Variants in CREBBP observed in about 807,000 individuals in gnomAD.
The protein encoded by CREBBP is CREB binding lysine acetyltransferase.
In CREBBP, 19 loss-of-function variants were observed where a neutral mutation model predicts 265.0. The observed-to-expected ratio is 0.07, with a 90% CI of 0.05 to 0.11. The LOEUF (loss-of-function observed/expected upper bound fraction) is 0.11, where lower values mean the gene tolerates loss of function less well. Ranked by LOEUF, CREBBP falls within the 10% of genes least tolerant of loss-of-function variation. CREBBP has a pLI of 1.00. For synonymous variants in CREBBP, 1,457 were observed against 1,223.7 expected, an observed-to-expected ratio of 1.19 and a Z score of -3.98; for missense variants, 2,525 against 3,219.0, an observed-to-expected ratio of 0.78 and a Z score of 5.22.
intron 2 of CREBBP, among the ~76,000 whole-genome samples, chr16:3,837,725 T>C (rs1202006584): frequency 6.6e-6 from 1 of 151,878 alleles, no homozygotes; most frequent in African/African-American, 2.4e-5. Flanking sequence ...TGTTTAGTGT[T>C]TTAAGCTAAG....
intron 2 of CREBBP, among the ~76,000 whole-genome samples, chr16:3,842,202 T>G (rs949684192): frequency 6.6e-6 from 1 of 152,194 alleles, no homozygotes; most frequent in African/African-American, 2.4e-5. Flanking sequence ...AGAAAGTACT[T>G]AAAAGATTTC....
At chr16:3,853,554 G>A (rs1282645287) in intron 1 of CREBBP, among the ~76,000 whole-genome samples, 3 of 152,044 alleles carry the variant, frequency 2.0e-5, no homozygotes, top group Non-Finnish European at 2.9e-5. Context: ...AGCTTGCAGT[G>A]AGCCAAGATT....
At chr16:3,772,341 ACAC>A in intron 13 of CREBBP, among the ~76,000 whole-genome samples, 1 of 150,184 alleles carries the variant, frequency 6.7e-6, no homozygotes, top group Non-Finnish European at 1.5e-5. Context: ...ACACACACAC[ACAC>A]ACACACACAC....
At chr16:3,822,889 G>A (rs766344622) in intron 2 of CREBBP, among the ~76,000 whole-genome samples, 14 of 152,170 alleles carry the variant, frequency 9.2e-5, no homozygotes, top group African/African-American at 3.4e-4. Context: ...GGCTCAGTCC[G>A]CTGCAGTCTC....
chr16:3,795,854 G>A (rs552552008), intron 3 of CREBBP, among the ~76,000 whole-genome samples: 2 of 152,204 alleles, frequency 1.3e-5, no homozygotes, highest in Admixed American at 1.3e-4. Flanking sequence ...ACAGAAAAAT[G>A]GAAAGGAAAG....
intron 3 of CREBBP, among the ~76,000 whole-genome samples, chr16:3,802,338 G>A (rs372211417): frequency 6.6e-6 from 1 of 151,668 alleles, no homozygotes. Flanking sequence ...TACCGTGTTA[G>A]CCAGACTGGT....
At chr16:3,791,468 C>T (rs1327898755) in intron 5 of CREBBP, among the ~76,000 whole-genome samples, 1 of 152,136 alleles carries the variant, frequency 6.6e-6, no homozygotes, top group Non-Finnish European at 1.5e-5. Context: ...CATAGCTCCA[C>T]GTAGAGGGAA....
At chr16:3,832,548 G>C (rs916888716) in intron 2 of CREBBP, among the ~76,000 whole-genome samples, 1 of 152,218 alleles carries the variant, frequency 6.6e-6, no homozygotes, top group African/African-American at 2.4e-5. Flanking sequence ...CACCTAGGCT[G>C]TATGGTATAG....
intron 19 of CREBBP, among the ~76,000 whole-genome samples, chr16:3,753,820 C>A (rs369921831): frequency 6.6e-6 from 1 of 152,134 alleles, no homozygotes; most frequent in East Asian, 1.9e-4. Context: ...CAATCAAACA[C>A]GCAGAACTAT....
rs986707055 is a variant in CREBBP, at chr16:3,731,116, G to A, written c.5172+76C>T. The A allele has an allele frequency of 2.7e-6, 4 of 1,490,212 alleles. No homozygotes were observed. The highest frequency in any genetic ancestry group is 1.7e-5 in the Admixed American group (1 of 58,550). 92.3% of individuals were successfully genotyped at this position (1,490,212 alleles called of 1,614,324 possible). ...CCATCAGGTACAGACACCAACCCGG[G>A]CACCCATGCAAAGGGACAGGATGCT... On this transcript the variant is annotated intron_variant, in intron 30 of 30. Transcript: ENST00000262367. This position sits in a 1 kb window ranked among gnomAD's most constrained non-coding sequence, Gnocchi z 7.7.
chr16:3,851,229 G>A (rs1446823407), intron 1 of CREBBP, among the ~76,000 whole-genome samples: 4 of 146,124 alleles, frequency 2.7e-5, no homozygotes, highest in East Asian at 2.0e-4. Context: ...TGGAGGATGC[G>A]GTGAGCCAAG....
intron 12 of CREBBP, 47 bp downstream of exon 12, chr16:3,774,522 A>T: frequency 6.2e-7 from 1 of 1,612,748 alleles, no homozygotes; most frequent in Non-Finnish European, 8.5e-7. Context: ...ATAATGTTCC[A>T]TGTGAGAGGG....
Position 3,731,660 on chromosome 16 carries a change from C to T in CREBBP, c.4890+116G>A. On this transcript the variant is annotated intron_variant, in intron 29 of 30. Transcript: ENST00000262367. This position sits in a 1 kb window ranked among gnomAD's most constrained non-coding sequence, Gnocchi z 7.7. ...GTCACCCAACTGGTCCACTTGGTTT[C>T]CTGGGGGCCACTTCCCTCCCACCAC... 1 of 1,506,620 alleles carries T rather than the reference C, an allele frequency of 6.6e-7. No individual in the cohort carries two copies. The highest frequency in any genetic ancestry group is 9.2e-7 in the Non-Finnish European group (1 of 1,087,506). The allele number at this position is 1,506,620 out of a possible 1,614,324, so 93.3% of individuals were successfully genotyped here.
At chr16:3,746,306 C>T (rs1176475780) in intron 21 of CREBBP, among the ~76,000 whole-genome samples, 1 of 152,006 alleles carries the variant, frequency 6.6e-6, no homozygotes, top group Non-Finnish European at 1.5e-5. Flanking sequence ...GGCTTCTCTG[C>T]CCAGTCTGCT....
intron 2 of CREBBP, among the ~76,000 whole-genome samples, chr16:3,832,523 G>T (rs984694949): frequency 1.3e-5 from 2 of 152,146 alleles, no homozygotes; most frequent in Admixed American, 6.5e-5. Context: ...AACCTAGATG[G>T]TGTAGCCTAC....
At chr16:3,740,318 CA>C in intron 24 of CREBBP, 80 bp downstream of exon 24, 1 of 1,567,138 alleles carries the variant, frequency 6.4e-7, no homozygotes, top group Non-Finnish European at 8.8e-7. Flanking sequence ...ACCTCAAACT[CA>C]AGAGCTTTGC....
intron 1 of CREBBP, among the ~76,000 whole-genome samples, chr16:3,874,048 C>T (rs982408373): frequency 6.6e-6 from 1 of 152,110 alleles, no homozygotes; most frequent in Non-Finnish European, 1.5e-5. Context: ...GGAAGGGGAG[C>T]AAGCCTAGAG....
chr16:3,811,925 G>A (rs995835744), intron 2 of CREBBP, among the ~76,000 whole-genome samples: 1 of 152,132 alleles, frequency 6.6e-6, no homozygotes, highest in African/African-American at 2.4e-5. Context: ...CTGATCAACA[G>A]CAGGGGATTA....
In CREBBP at chr16:3,852,165, T is replaced by G. The variant is rs993979549; in HGVS notation, c.86-1156A>C. ...AAGCCAATCTTAAATTTGTTTTTTT[T>G]TTTTTTTTTTTTTTTTTGAGACAGA... On this transcript the variant is annotated intron_variant, in intron 1 of 30. Coordinates refer to ENST00000262367, the MANE Select transcript of CREBBP (RefSeq NM_004380.3). Among the ~76,000 whole-genome samples, 14 of 109,032 alleles carry G rather than the reference T, an allele frequency of 1.3e-4. No individual in the cohort carries two copies. In the East Asian group the frequency reaches 2.1e-3, roughly 16 times the overall value. 71.5% of individuals were successfully genotyped at this position (109,032 alleles called of 152,430 possible).
Sources: gnomAD v4.1 joint callset for allele counts (sites outside exome capture counted in the v4.1 genomes callset) on GRCh38, gnomAD v4.1.1 for gene constraint, Gnocchi (gnomAD v3.1) non-coding constraint, MANE v1.5 for transcripts, NCBI Gene and HGNC (gene_info 2026-07-23, HGNC 2026-07-21) for gene names.